The following CDK17 variants were observed in gnomAD, a reference collection of about 807,000 sequenced individuals.
The protein encoded by CDK17 is cyclin dependent kinase 17.
A neutral mutation model predicts 77.6 loss-of-function variants in CDK17; 24 were observed. That is an observed-to-expected ratio of 0.31 (90% CI 0.22 to 0.44). The LOEUF (loss-of-function observed/expected upper bound fraction) is 0.44, where lower values mean the gene tolerates loss of function less well. CDK17 is among the 20% of genes least tolerant of loss of function. CDK17 has a pLI of 1.00. For synonymous variants in CDK17, 203 were observed against 210.4 expected, an observed-to-expected ratio of 0.96 and a Z score of 0.30; for missense variants, 429 against 622.5, an observed-to-expected ratio of 0.69 and a Z score of 3.31.
intron 1 of CDK17, among the ~76,000 whole-genome samples, chr12:96,350,942 A>G (rs958945777): frequency 1.2e-4 from 18 of 152,206 alleles, no homozygotes; most frequent in Admixed American, 5.9e-4. Context: ...TGCAAATCAT[A>G]TATCTGACAA....
chr12:96,378,154 G>T (rs1216804932), intron 1 of CDK17, among the ~76,000 whole-genome samples: 1 of 152,196 alleles, frequency 6.6e-6, no homozygotes, highest in Admixed American at 6.5e-5. Context: ...ACACTTGAAA[G>T]GTGGGGAGTT....
chr12:96,368,888 T>C (rs990882409), intron 1 of CDK17, among the ~76,000 whole-genome samples: 1 of 145,136 alleles, frequency 6.9e-6, no homozygotes, highest in Non-Finnish European at 1.5e-5. Flanking sequence ...TACAAAGTCT[T>C]CTTTAAAGAA....
At chr12:96,320,448 G>A (rs866347785) in intron 3 of CDK17, among the ~76,000 whole-genome samples, 26 of 149,940 alleles carry the variant, frequency 1.7e-4, no homozygotes, top group African/African-American at 4.7e-4. Flanking sequence ...ACAGAATTGG[G>A]AAAAACTACT....
At chr12:96,292,639 A>T (rs1454400877) in intron 10 of CDK17, among the ~76,000 whole-genome samples, 1 of 152,138 alleles carries the variant, frequency 6.6e-6, no homozygotes. Flanking sequence ...ATAATCATTT[A>T]TGAAAAAAAA....
At chr12:96,299,388 ATTT>A (rs35168599) in intron 6 of CDK17, among the ~76,000 whole-genome samples, 59,136 of 133,160 alleles carry the variant, frequency 0.44, 12,436 homozygotes, top group East Asian at 0.81. Context: ...TAAATGATAA[ATTT>A]TTTTTTTTTT....
chr12:96,310,703 T>G (rs921349230), intron 5 of CDK17, among the ~76,000 whole-genome samples: 1 of 151,366 alleles, frequency 6.6e-6, no homozygotes, highest in African/African-American at 2.4e-5. Flanking sequence ...AATTATGGTT[T>G]GTGTACTTCT....
At chr12:96,398,315 G>A (rs535290422) in intron 1 of CDK17, among the ~76,000 whole-genome samples, 6 of 152,252 alleles carry the variant, frequency 3.9e-5, no homozygotes, top group African/African-American at 1.4e-4. Flanking sequence ...GAAGCATGCA[G>A]ATGTTAAGAG....
At chr12:96,367,344 CAAAAAAAA>C (rs56689330) in intron 1 of CDK17, among the ~76,000 whole-genome samples, 15 of 63,490 alleles carry the variant, frequency 2.4e-4, no homozygotes, top group Admixed American at 7.8e-4. Flanking sequence ...GACTCCACCT[CAAAAAAAA>C]AAAAAAAAAA....
At chr12:96,281,717 A>G (rs950069027) in intron 15 of CDK17, 4 of 152,212 alleles carry the variant, frequency 2.6e-5, no homozygotes, top group Non-Finnish European at 5.9e-5. Flanking sequence ...TTTCATTTCC[A>G]ATCTCTGTCA....
chr12:96,358,395 AAG>A (rs1491175488), intron 1 of CDK17, among the ~76,000 whole-genome samples: 34 of 150,652 alleles, frequency 2.3e-4, no homozygotes, highest in African/African-American at 8.0e-4. Flanking sequence ...AAAAAAAAAA[AAG>A]TTTAGGGAAA....
At chr12:96,337,712 A>G (rs938414346) in intron 1 of CDK17, among the ~76,000 whole-genome samples, 33 of 152,166 alleles carry the variant, frequency 2.2e-4, no homozygotes, top group African/African-American at 7.7e-4. Flanking sequence ...GTTTAAACAC[A>G]CTAGATATTT....
intron 1 of CDK17, among the ~76,000 whole-genome samples, chr12:96,376,028 T>A (rs951621578): frequency 6.6e-6 from 1 of 152,214 alleles, no homozygotes; most frequent in Non-Finnish European, 1.5e-5. Flanking sequence ...CTTGTGGTTC[T>A]AAATGGACAC....
At chr12:96,334,608 A>G in intron 2 of CDK17, 111 bp downstream of exon 2, 1 of 629,060 alleles carries the variant, frequency 1.6e-6, no homozygotes, top group Non-Finnish European at 2.8e-6. Context: ...ATGGAATGAG[A>G]CAGAAATAAA....
chr12:96,305,758 G>A (rs764760243), intron 5 of CDK17, among the ~76,000 whole-genome samples: 2 of 152,014 alleles, frequency 1.3e-5, no homozygotes, highest in Admixed American at 6.6e-5. Context: ...TTGCTCTGTC[G>A]ACAAGGCTGG....
intron 1 of CDK17, among the ~76,000 whole-genome samples, chr12:96,356,594 A>T (rs2137181006): frequency 6.6e-6 from 1 of 152,344 alleles, no homozygotes; most frequent in Non-Finnish European, 1.5e-5. Flanking sequence ...GGCTGCCTTT[A>T]TTAAGCTTGT....
At chr12:96,393,858 C>T in intron 1 of CDK17, among the ~76,000 whole-genome samples, 2 of 152,154 alleles carry the variant, frequency 1.3e-5, no homozygotes, top group Middle Eastern at 6.8e-3. Flanking sequence ...AATGTTTATT[C>T]TAAAATAATA....
At chr12:96,285,962 GAATCCTTACTGTGGCT>G in intron 13 of CDK17, 65 bp downstream of exon 13, 1 of 709,768 alleles carries the variant, frequency 1.4e-6, no homozygotes, top group Non-Finnish European at 2.5e-6. Flanking sequence ...ATTTTTTCCT[GAATCCTTACTGTGGCT>G]AATCCTTCAA....
At chr12:96,376,957 G>T (rs753039209) in intron 1 of CDK17, among the ~76,000 whole-genome samples, 113 of 152,130 alleles carry the variant, frequency 7.4e-4, no homozygotes, top group Admixed American at 9.2e-4. Flanking sequence ...AAACTCTAAA[G>T]GAGTTTCCAT....
chr12:96,287,767 A>C (rs1026227421), intron 11 of CDK17, among the ~76,000 whole-genome samples: 30 of 152,224 alleles, frequency 2.0e-4, no homozygotes, highest in African/African-American at 6.3e-4. Flanking sequence ...GAAGCAAACC[A>C]AATGTCCATC....
Sources: gnomAD v4.1 joint callset for allele counts (sites outside exome capture counted in the v4.1 genomes callset) on GRCh38, gnomAD v4.1.1 for gene constraint, MANE v1.5 for transcripts, NCBI Gene and HGNC (gene_info 2026-07-23, HGNC 2026-07-21) for gene names.